Variants in NDUFV3 observed in about 807,000 individuals in gnomAD.
NDUFV3 encodes NADH dehydrogenase [ubiquinone] flavoprotein 3, mitochondrial.
NDUFV3 carries 44 observed loss-of-function variants against 37.5 expected under a neutral mutation model. That is an observed-to-expected ratio of 1.17 (90% CI 0.92 to 1.51). The LOEUF (loss-of-function observed/expected upper bound fraction) is 1.51. Among genes scored for constraint, NDUFV3 ranks in the 40% most tolerant of loss-of-function variants. The pLI, the probability that NDUFV3 is intolerant of heterozygous loss-of-function variation, is 0.00. For missense variants in NDUFV3, 580 were observed against 580.4 expected, an observed-to-expected ratio of 1.00 and a Z score of 0.01; for synonymous variants, 235 against 239.3, an observed-to-expected ratio of 0.98 and a Z score of 0.17.
In NDUFV3 at chr21:42,909,136, C is replaced by CT. The variant is rs36011300; in HGVS notation, c.*138dup. 7,736 of 432,126 alleles carry CT rather than the reference C, an allele frequency of 0.018. 71 individuals carry two copies. Among genetic ancestry groups the CT allele is most frequent in the East Asian group, 0.051 (754 of 14,756 alleles). 26.8% of individuals were successfully genotyped at this position (432,126 alleles called of 1,614,324 possible). The stretch of plus-strand genomic sequence containing the variant: ...TGTGCATAATCGGTTTCACTTTTAC[C>CT]TTTTTTTTTTTTTTTTTTTTTTTGA... On this transcript the variant is annotated 3_prime_UTR_variant, in exon 4 of 4. Transcript: ENST00000354250.
At chr21:42,898,099 C>T (rs2058702152) in intron 2 of NDUFV3, among the ~76,000 whole-genome samples, 1 of 152,080 alleles carries the variant, frequency 6.6e-6, no homozygotes, top group South Asian at 2.1e-4. Flanking sequence ...TTTCTTCCTC[C>T]TTGGTCTGTG....
intron 2 of NDUFV3, among the ~76,000 whole-genome samples, chr21:42,900,879 C>T (rs8131547): frequency 0.54 from 82,029 of 151,984 alleles, 23,254 homozygotes; most frequent in African/African-American, 0.69. Context: ...GCACAGATAT[C>T]AGGGGCTGGA....
At chr21:42,904,675 G>A (rs181172717) in intron 3 of NDUFV3, among the ~76,000 whole-genome samples, 23 of 151,894 alleles carry the variant, frequency 1.5e-4, no homozygotes, top group Admixed American at 1.5e-3. Flanking sequence ...TAGTAGAGAT[G>A]GGGTTTCACC....
At chr21:42,902,697 T>C (rs1201993486) in intron 2 of NDUFV3, among the ~76,000 whole-genome samples, 4 of 152,230 alleles carry the variant, frequency 2.6e-5, no homozygotes, top group Non-Finnish European at 5.9e-5. Context: ...GAGATAGGCC[T>C]ACACAGCTAG....
chr21:42,905,045 T>C (rs1221906850), intron 3 of NDUFV3, among the ~76,000 whole-genome samples: 1 of 152,164 alleles, frequency 6.6e-6, no homozygotes, highest in African/African-American at 2.4e-5. Flanking sequence ...TGCCTCGGCC[T>C]CCCAAAGTGC....
rs1291767397 is a variant in NDUFV3, at chr21:42,896,922, G to T, written c.49-5G>T. 6.2e-7 allele frequency: 1 copy of T among 1,611,542 alleles called. No homozygotes were observed. Among genetic ancestry groups the T allele is most frequent in the Admixed American group, 1.7e-5 (1 of 59,952 alleles). On this transcript the variant is annotated splice_polypyrimidine_tract_variant and splice_region_variant and intron_variant, in intron 1 of 3. Coordinates refer to ENST00000354250, the MANE Select transcript of NDUFV3 (RefSeq NM_021075.4). ...AACATCCATATTCATTAATTCTTTT[G>T]TCAGACTATGCTCCAGGAAGCCCAG...
chr21:42,899,654 A>G (rs1377902930), intron 2 of NDUFV3, among the ~76,000 whole-genome samples: 1 of 152,176 alleles, frequency 6.6e-6, no homozygotes, highest in Non-Finnish European at 1.5e-5. Context: ...CATGTTGGCC[A>G]GGTTGGTCTC....
chr21:42,896,583 C>T (rs540712052), intron 1 of NDUFV3, among the ~76,000 whole-genome samples: 16 of 151,962 alleles, frequency 1.1e-4, no homozygotes, highest in Middle Eastern at 3.2e-3. Context: ...TGGCCAATCC[C>T]AGCACTTCAG....
chr21:42,900,140 A>T (rs1273749336), intron 2 of NDUFV3, among the ~76,000 whole-genome samples: 5 of 152,092 alleles, frequency 3.3e-5, no homozygotes. Flanking sequence ...TCGAGGTTGT[A>T]GTGAATTATG....
At chr21:42,895,506 G>C (rs990126289) in intron 1 of NDUFV3, among the ~76,000 whole-genome samples, 2 of 151,808 alleles carry the variant, frequency 1.3e-5, no homozygotes, top group Admixed American at 1.3e-4. Flanking sequence ...AAAAACATTA[G>C]CCAGGTGCGG....
chr21:42,906,952 T>C (rs1267273177), intron 3 of NDUFV3: 1 of 494,496 alleles, frequency 2.0e-6, no homozygotes, highest in East Asian at 5.5e-5. Flanking sequence ...AAACAGAGCT[T>C]TTGATATTAA....
In NDUFV3 at chr21:42,909,091, T is replaced by C; in HGVS notation, c.*70T>C. On this transcript the variant is annotated 3_prime_UTR_variant, in exon 4 of 4. Coordinates refer to ENST00000354250, the MANE Select transcript of NDUFV3 (RefSeq NM_021075.4). ...CCTGGAGTGCAAAAATAAAATCCAC[T>C]CAAGAGTCACAAGGCCCGCTGTGCA... 7 of 1,037,620 alleles carry C rather than the reference T, an allele frequency of 6.7e-6. No homozygotes were observed. The highest frequency in any genetic ancestry group is 1.6e-5 in the African/African-American group (1 of 61,228). The allele number at this position is 1,037,620 out of a possible 1,614,324, so 64.3% of individuals were successfully genotyped here. A position where few individuals can be genotyped will look rare whatever the true frequency, so the allele number is the denominator to read the frequency against.
Position 42,907,441 on chromosome 21 carries a change from C to G in NDUFV3, c.1265-1423C>G, listed in dbSNP as rs936817188. 1.6e-4 allele frequency among the ~76,000 whole-genome samples: 22 copies of G among 141,502 alleles called. No individual in the cohort carries two copies. The Admixed American group carries it at 1.6e-3, about 10-fold the overall frequency. 92.8% of individuals were successfully genotyped at this position (141,502 alleles called of 152,430 possible). ...GGAGACTACAGGTGTGCCACCATGC[C>G]CTACTAATTTTTTTTTTTTTTTTTT... On this transcript the variant is annotated intron_variant, in intron 3 of 3. Coordinates refer to ENST00000354250, the MANE Select transcript of NDUFV3 (RefSeq NM_021075.4).
rs2058730336 is a variant in NDUFV3, at chr21:42,903,994, G to A, written c.982G>A (p.Gly328Arg). 1 of 1,614,010 alleles carries A rather than the reference G, an allele frequency of 6.2e-7. No homozygotes were observed. Among genetic ancestry groups the A allele is most frequent in the African/African-American group, 1.3e-5 (1 of 74,936 alleles). The change falls in exon 3 of 4, where the codon GGG (glycine) becomes AGG (arginine). Residue 328 changes from glycine to arginine, a missense_variant. Gly to Arg is a moderately radical substitution (Grantham distance 125). Coordinates refer to ENST00000354250, the MANE Select transcript of NDUFV3 (RefSeq NM_021075.4). ...GGGGCAGCTGCAAGCCAGTCCTCCT[G>A]GGGCGGCAGAGGGGCATCTGGAAAA... ...AEGQLQASPP[G>R]AAEGHLEKPV...
At position 42,896,212 on chromosome 21, in the gene NDUFV3, A is replaced by G. The variant is rs1220413126; in HGVS notation, c.49-715A>G. Among the ~76,000 whole-genome samples the G allele has an allele frequency of 2.2e-5, 3 of 136,344 alleles. No homozygotes were observed. In the East Asian group the frequency reaches 6.5e-4, roughly 30 times the overall value. The allele number at this position is 136,344 out of a possible 152,430, so 89.4% of individuals were successfully genotyped here. On this transcript the variant is annotated intron_variant, in intron 1 of 3. Transcript: ENST00000354250. The stretch of plus-strand genomic sequence containing the variant: ...TGCTCTGTCGCCCAGGCTAGAGTGC[A>G]GTGGCACGATCTTGGCTCACTGCAA...
At position 42,904,132 on chromosome 21, in the gene NDUFV3, C is replaced by T; in HGVS notation, c.1120C>T (p.Gln374Ter). The T allele has an allele frequency of 6.2e-7, 1 of 1,614,244 alleles. No individual in the cohort carries two copies. Among genetic ancestry groups the T allele is most frequent in the Non-Finnish European group, 8.5e-7 (1 of 1,180,044 alleles). ...GGGTGGACAGGCAATCGTGGAAGAT[C>T]AGATACCACCAAGCAATTTGGAGAC... ...LKGGQAIVED[Q>*]IPPSNLETVP... The change falls in exon 3 of 4, where the codon CAG becomes TAG. Residue 374 changes from glutamine to a stop codon, truncating the protein, a stop_gained. Transcript: ENST00000354250. LOFTEE classifies it high-confidence loss of function.
At chr21:42,895,586 A>G (rs1300396798) in intron 1 of NDUFV3, among the ~76,000 whole-genome samples, 3 of 150,932 alleles carry the variant, frequency 2.0e-5, no homozygotes, top group Non-Finnish European at 4.4e-5. Context: ...CAGGAGGCGG[A>G]GGTTGCAGTG....
chr21:42,905,745 A>C (rs1307301723), intron 3 of NDUFV3, among the ~76,000 whole-genome samples: 1 of 151,902 alleles, frequency 6.6e-6, no homozygotes, highest in Non-Finnish European at 1.5e-5. Flanking sequence ...CGAACTCCTG[A>C]CCTTAGGTGA....
At position 42,900,791 on chromosome 21, in the gene NDUFV3, T is replaced by C. The variant is rs138628564; in HGVS notation, c.170-2391T>C. 2.2e-3 allele frequency among the ~76,000 whole-genome samples: 339 copies of C among 152,310 alleles called. 3 individuals carry two copies. Among genetic ancestry groups the C allele is most frequent in the African/African-American group, 7.6e-3 (315 of 41,586 alleles). Reference sequence around the variant, plus strand: ...GCCACAGGACAAGACCCTGGCGCGATGGGACATGCTGTGCCTTATTTCATC... The same window carrying C: ...GCCACAGGACAAGACCCTGGCGCGACGGGACATGCTGTGCCTTATTTCATC... On this transcript the variant is annotated intron_variant, in intron 2 of 3. Transcript: ENST00000354250.
Sources: gnomAD v4.1 joint callset for allele counts (sites outside exome capture counted in the v4.1 genomes callset) on GRCh38, gnomAD v4.1.1 for gene constraint, MANE v1.5 for transcripts, NCBI Gene and HGNC (gene_info 2026-07-23, HGNC 2026-07-21) for gene names.